The following RHBDF2 variants were observed in gnomAD, a reference collection of about 807,000 sequenced individuals.
The protein encoded by RHBDF2 is rhomboid 5 homolog 2, also known as inactive rhomboid protein 2.
Under a neutral mutation model 95.2 loss-of-function variants are expected in RHBDF2, and 38 were observed. The observed-to-expected ratio is 0.40, with a 90% confidence interval of 0.31 to 0.52. RHBDF2 has a LOEUF of 0.52. RHBDF2 is among the 20% of genes least tolerant of loss of function. The pLI, the probability that RHBDF2 is intolerant of heterozygous loss-of-function variation, is 0.56. For synonymous variants in RHBDF2, 442 were observed against 462.0 expected, an observed-to-expected ratio of 0.96 and a Z score of 0.55; for missense variants, 863 against 1,137.7, an observed-to-expected ratio of 0.76 and a Z score of 3.47.
chr17:76,497,595 C>A (rs1329950808), intron 1 of RHBDF2, among the ~76,000 whole-genome samples: 1 of 152,242 alleles, frequency 6.6e-6, no homozygotes, highest in Non-Finnish European at 1.5e-5. Context: ...TGAAGCCACC[C>A]TAACACCATT....
intron 1 of RHBDF2, among the ~76,000 whole-genome samples, chr17:76,488,821 G>A (rs780201491): frequency 4.6e-4 from 70 of 151,510 alleles, no homozygotes; most frequent in South Asian, 1.3e-3. Context: ...GGTGGCGGGC[G>A]CCTGTAATCC....
intron 1 of RHBDF2, among the ~76,000 whole-genome samples, chr17:76,498,100 C>T (rs963279169): frequency 1.3e-5 from 2 of 152,194 alleles, no homozygotes; most frequent in Admixed American, 1.3e-4. Flanking sequence ...TTTCCTTACA[C>T]CCATCCTAGG....
chr17:76,500,138 T>C (rs183185919), intron 1 of RHBDF2, among the ~76,000 whole-genome samples: 3 of 152,278 alleles, frequency 2.0e-5, no homozygotes, highest in East Asian at 3.9e-4. Context: ...AGGAACCTGA[T>C]GGACCAGCTG....
chr17:76,484,122 G>A (rs1255394633), intron 2 of RHBDF2, among the ~76,000 whole-genome samples: 1 of 152,164 alleles, frequency 6.6e-6, no homozygotes, highest in Non-Finnish European at 1.5e-5. Context: ...AATTAGCTGG[G>A]TGTGGTGGCG....
chr17:76,476,664 G>A (rs1462304219), intron 9 of RHBDF2, 166 bp downstream of exon 9: 3 of 1,066,048 alleles, frequency 2.8e-6, no homozygotes, highest in Admixed American at 5.8e-5. Flanking sequence ...CAGGTCATGT[G>A]CACAACCCTT....
Position 76,474,410 on chromosome 17 carries a change from T to C in RHBDF2, c.1427A>G (p.His476Arg), listed in dbSNP as rs759629234. 4 of 1,613,286 alleles carry C rather than the reference T, an allele frequency of 2.5e-6. No individual in the cohort carries two copies. The highest frequency in any genetic ancestry group is 1.7e-4 in the Middle Eastern group (1 of 6,012). ...RDSGCCVQND[H>R]SGCIQTQRKD... ...CCGCTGGGTCTGGATGCATCCGGAG[T>C]GGTCATTCTGGACACAGCAGCCTGA... The change falls in exon 12 of 19, where the codon CAC becomes CGC. Residue 476 changes from histidine to arginine, a missense_variant. By Grantham distance (29) the His-to-Arg change is conservative (BLOSUM62 0). This residue lies in a region of RHBDF2 where 611 missense variants were observed against 725.5 expected (regional missense o/e 0.84). Transcript: ENST00000675367.
In RHBDF2 at chr17:76,482,600, C is replaced by T. The variant is rs370111274; in HGVS notation, c.-21-1055G>A. Among the ~76,000 whole-genome samples the T allele has an allele frequency of 2.7e-5, 4 of 150,856 alleles. No individual in the cohort carries two copies. In the East Asian group the frequency reaches 6.0e-4, roughly 23 times the overall value. On this transcript the variant is annotated intron_variant, in intron 2 of 18. Coordinates refer to ENST00000675367, the MANE Select transcript of RHBDF2 (RefSeq NM_001005498.4). ...ACCAGCCTGGCCAACATGGTAAAAC[C>T]CTGTCTCTACTAAAAATACAAAATT...
At chr17:76,482,924 C>T (rs866810636) in intron 2 of RHBDF2, among the ~76,000 whole-genome samples, 3 of 151,950 alleles carry the variant, frequency 2.0e-5, no homozygotes, top group Middle Eastern at 3.4e-3. Context: ...AATCCCAACA[C>T]TTTGGGAGAC....
intron 7 of RHBDF2, 42 bp from the exon 8 acceptor site, chr17:76,477,340 C>T: frequency 6.3e-7 from 1 of 1,591,794 alleles, no homozygotes; most frequent in Non-Finnish European, 8.5e-7. Context: ...GGAGTCTGTC[C>T]CAAACACTGC....
rs529460959 is a variant in RHBDF2 at position 76,473,007 on chromosome 17, A to G, written c.1908T>C (p.Ala636=). 3.2e-5 allele frequency: 51 copies of G among 1,613,326 alleles called. No individual in the cohort carries two copies. The East Asian group carries it at 1.0e-3, about 32-fold the overall frequency. ...GGGGGCAGTGAGGAGCCTCTTACCC[A>G]GCATGTAGGAAGAGAGACAGCCAGA... ...YRLWLSLFLH[A]GVVHCLVSVV... Residue 636 remains alanine (A), a splice_region_variant and synonymous_variant, in exon 17 of 19, where the codon GCT becomes GCC. Coordinates refer to ENST00000675367, the MANE Select transcript of RHBDF2 (RefSeq NM_001005498.4).
chr17:76,477,353 C>G (rs2073806853), intron 7 of RHBDF2, 55 bp from the exon 8 acceptor site: 6 of 1,571,168 alleles, frequency 3.8e-6, no homozygotes, highest in Non-Finnish European at 4.3e-6. Flanking sequence ...AACACTGCCC[C>G]CCGGAACCTC....
intron 16 of RHBDF2, 32 bp downstream of exon 16, chr17:76,473,220 T>A: frequency 1.2e-6 from 2 of 1,605,634 alleles, no homozygotes; most frequent in Non-Finnish European, 8.5e-7. Context: ...CAGCGTCCTC[T>A]CCTCCACTAC....
At chr17:76,498,132 G>A (rs755670417) in intron 1 of RHBDF2, among the ~76,000 whole-genome samples, 10 of 152,170 alleles carry the variant, frequency 6.6e-5, no homozygotes, top group African/African-American at 2.2e-4. Context: ...GCAAAACGAC[G>A]TTCCGGGCAG....
At chr17:76,491,130 A>G (rs2074288471) in intron 1 of RHBDF2, among the ~76,000 whole-genome samples, 1 of 151,992 alleles carries the variant, frequency 6.6e-6, no homozygotes, top group Non-Finnish European at 1.5e-5. Context: ...CTGGCTCCGT[A>G]CCCACAGCAG....
chr17:76,499,647 G>A (rs2074526552), intron 1 of RHBDF2, among the ~76,000 whole-genome samples: 1 of 152,182 alleles, frequency 6.6e-6, no homozygotes, highest in Non-Finnish European at 1.5e-5. Context: ...ATACTCCTTG[G>A]ATGTCACTTT....
At chr17:76,493,311 A>G (rs1567891171) in intron 1 of RHBDF2, 1 of 152,200 alleles carries the variant, frequency 6.6e-6, no homozygotes, top group Non-Finnish European at 1.5e-5. Flanking sequence ...TCCCCAGCAA[A>G]ACCCGTGGTA....
Position 76,476,811 on chromosome 17 carries a change from C to A in RHBDF2, c.1115+19G>T. The A allele has an allele frequency of 1.3e-6, 2 of 1,575,070 alleles. No homozygotes were observed. Among genetic ancestry groups the A allele is most frequent in the Non-Finnish European group, 1.7e-6 (2 of 1,162,896 alleles). ...GGAACCTTCCAGGCTCTCCTGGGGGCTCCAGGGCGACACCTCACCGGTGGC... is the reference window on the plus strand; with the variant it reads ...GGAACCTTCCAGGCTCTCCTGGGGGATCCAGGGCGACACCTCACCGGTGGC... On this transcript the variant is annotated intron_variant, in intron 9 of 18. Transcript: ENST00000675367.
chr17:76,479,309 AC>A, intron 4 of RHBDF2, 32 bp from the exon 5 acceptor site: 1 of 1,561,934 alleles, frequency 6.4e-7, no homozygotes, highest in Non-Finnish European at 8.6e-7. Flanking sequence ...AGGTGGGCAT[AC>A]GCTTGTCTAC....
In RHBDF2 at chr17:76,471,608, G is replaced by C. The variant is rs1232592120; in HGVS notation, c.*25C>G. 6 of 1,560,230 alleles carry C rather than the reference G, an allele frequency of 3.8e-6. No individual in the cohort carries two copies. Among genetic ancestry groups the C allele is most frequent in the Non-Finnish European group, 4.3e-6 (5 of 1,151,554 alleles). On this transcript the variant is annotated 3_prime_UTR_variant, in exon 19 of 19. Coordinates refer to ENST00000675367, the MANE Select transcript of RHBDF2 (RefSeq NM_001005498.4). ...AGGCAGACCCTGTTCCAGCAGGGCT[G>C]AGGGGCAGCCGTGTGGCCCAGCGGT...
Sources: gnomAD v4.1 joint callset for allele counts (sites outside exome capture counted in the v4.1 genomes callset) on GRCh38, gnomAD v4.1.1 for gene constraint, gnomAD v4.1.1 regional missense constraint, MANE v1.5 for transcripts, NCBI Gene and HGNC (gene_info 2026-07-23, HGNC 2026-07-21) for gene names.